Variants in ADARB2 observed in about 807,000 individuals in gnomAD.
ADARB2 encodes the protein adenosine deaminase RNA specific B2 (inactive).
A neutral mutation model predicts 62.2 loss-of-function variants in ADARB2; 25 were observed. The observed-to-expected ratio is 0.40, with a 90% confidence interval of 0.29 to 0.56. The LOEUF (loss-of-function observed/expected upper bound fraction) is 0.56, where lower values mean the gene tolerates loss of function less well. Among genes scored for constraint, ADARB2 ranks in the 20% least tolerant of loss-of-function variants. The pLI is 0.43. For synonymous variants in ADARB2, 572 were observed against 500.8 expected, an observed-to-expected ratio of 1.14 and a Z score of -1.90; for missense variants, 1,071 against 1,077.4, an observed-to-expected ratio of 0.99 and a Z score of 0.08.
intron 2 of ADARB2, among the ~76,000 whole-genome samples, chr10:1,375,216 G>A (rs953010554): frequency 2.0e-5 from 3 of 152,214 alleles, no homozygotes; most frequent in African/African-American, 7.2e-5. Flanking sequence ...GAACTGGGTC[G>A]GATCCCAACC....
In ADARB2 at chr10:1,590,946, C is replaced by T. The variant is rs142399327; in HGVS notation, c.100+146105G>A. Among the ~76,000 whole-genome samples, 690 of 152,330 alleles carry T rather than the reference C, an allele frequency of 4.5e-3. 4 individuals are homozygous for T. The highest frequency in any genetic ancestry group is 0.016 in the African/African-American group (646 of 41,572). ...GGAACTGACCACCTGAGGCCACAGG[C>T]GTGCTACTGAGCACAGATGTGGAAA... is the stretch of plus-strand genomic sequence containing the variant. On this transcript the variant is annotated intron_variant, in intron 1 of 9. Transcript: ENST00000381312.
chr10:1,711,569 G>A (rs1031868664), intron 1 of ADARB2, among the ~76,000 whole-genome samples: 17 of 152,198 alleles, frequency 1.1e-4, no homozygotes, highest in African/African-American at 4.1e-4. Flanking sequence ...GAAAACGTGA[G>A]AATAACAAGA....
At chr10:1,390,606 C>T (rs1177270796) in intron 1 of ADARB2, among the ~76,000 whole-genome samples, 5 of 152,238 alleles carry the variant, frequency 3.3e-5, no homozygotes, top group African/African-American at 1.2e-4. Flanking sequence ...GAAAGCATAT[C>T]TGCTTATGCC....
At chr10:1,438,775 A>C (rs1474352889) in intron 1 of ADARB2, among the ~76,000 whole-genome samples, 39 of 139,720 alleles carry the variant, frequency 2.8e-4, no homozygotes, top group South Asian at 4.8e-4. Flanking sequence ...AGTCTCTCCC[A>C]GGATGGAGGC....
chr10:1,733,118 CCGGATGATTG>C (rs1835254357), intron 1 of ADARB2, among the ~76,000 whole-genome samples: 1 of 152,194 alleles, frequency 6.6e-6, no homozygotes, highest in South Asian at 2.1e-4. Flanking sequence ...CCGACCGGCC[CCGGATGATTG>C]CGGATCCTGC....
chr10:1,216,665 G>T (rs945738230), intron 7 of ADARB2: 1 of 468,590 alleles, frequency 2.1e-6, no homozygotes, highest in Non-Finnish European at 3.8e-6. Context: ...TTTGCCCCAT[G>T]CAGCCACAGC....
rs200672029 is a variant in ADARB2, at chr10:1,498,413, A to T, written c.101-119253T>A. ...AAATAAATAAATAAATAAATAAGTA[A>T]TTTTTTTAAAAACAAAGGAAAAGAA... On this transcript the variant is annotated intron_variant, in intron 1 of 9. Transcript: ENST00000381312. 7.2e-5 allele frequency among the ~76,000 whole-genome samples: 11 copies of T among 151,778 alleles called. No individual in the cohort carries two copies. The East Asian group carries it at 1.5e-3, about 21-fold the overall frequency.
intron 3 of ADARB2, among the ~76,000 whole-genome samples, chr10:1,359,695 C>T (rs1333617456): frequency 6.6e-6 from 1 of 152,174 alleles, no homozygotes; most frequent in Non-Finnish European, 1.5e-5. Flanking sequence ...GCGAGCTGTC[C>T]CGGCAGGACA....
chr10:1,690,716 T>A (rs947117350), intron 1 of ADARB2, among the ~76,000 whole-genome samples: 1 of 152,172 alleles, frequency 6.6e-6, no homozygotes, highest in African/African-American at 2.4e-5. Flanking sequence ...GCCCAAGGCC[T>A]GCTGACTGCA....
intron 1 of ADARB2, among the ~76,000 whole-genome samples, chr10:1,499,318 C>T (rs546095419): frequency 6.6e-6 from 1 of 152,148 alleles, no homozygotes; most frequent in East Asian, 1.9e-4. Context: ...ATCACGCATT[C>T]ATTACTCACT....
intron 3 of ADARB2, among the ~76,000 whole-genome samples, chr10:1,332,867 C>T (rs1218094303): frequency 6.6e-6 from 1 of 152,230 alleles, no homozygotes. Context: ...TCTCTGATTA[C>T]ATTGGAAGCA....
At chr10:1,572,661 G>A (rs1832957409) in intron 1 of ADARB2, among the ~76,000 whole-genome samples, 1 of 152,196 alleles carries the variant, frequency 6.6e-6, no homozygotes, top group Non-Finnish European at 1.5e-5. Context: ...TCAGTAAATA[G>A]TAGATAAAGA....
intron 1 of ADARB2, among the ~76,000 whole-genome samples, chr10:1,508,157 T>G (rs1485552169): frequency 6.6e-6 from 1 of 152,074 alleles, no homozygotes; most frequent in Admixed American, 6.5e-5. Flanking sequence ...TTGACACTGG[T>G]GTTGGCGTTG....
At chr10:1,734,289 C>T (rs1588370759) in intron 1 of ADARB2, among the ~76,000 whole-genome samples, 2 of 130,606 alleles carry the variant, frequency 1.5e-5, no homozygotes, top group East Asian at 2.5e-4. Flanking sequence ...TATTCTGTGA[C>T]GAAGGTGTTT....
intron 3 of ADARB2, among the ~76,000 whole-genome samples, chr10:1,314,082 G>A (rs1219486560): frequency 1.3e-5 from 2 of 152,250 alleles, no homozygotes; most frequent in African/African-American, 4.8e-5. Context: ...CTGAGGCTCG[G>A]AGACATCGGC....
At chr10:1,472,632 A>G (rs1304393067) in intron 1 of ADARB2, among the ~76,000 whole-genome samples, 11 of 152,210 alleles carry the variant, frequency 7.2e-5, no homozygotes, top group Admixed American at 5.9e-4. Context: ...TGGTCTCACA[A>G]TCTAGAAACA....
chr10:1,375,406 GGC>G (rs1184864580), intron 2 of ADARB2, among the ~76,000 whole-genome samples: 1 of 152,166 alleles, frequency 6.6e-6, no homozygotes, highest in Non-Finnish European at 1.5e-5. Context: ...TTCCAGATGC[GGC>G]TCCCAGGCCC....
Position 1,601,482 on chromosome 10 carries a change from A to G in ADARB2, c.100+135569T>C, listed in dbSNP as rs554663381. On this transcript the variant is annotated intron_variant, in intron 1 of 9. Transcript: ENST00000381312. ...CAATTTTCCTGTAACAACATGATTT[A>G]AAGCCTACTTTAAAAAATAAACACC... is the stretch of plus-strand genomic sequence containing the variant. 2.0e-5 allele frequency among the ~76,000 whole-genome samples: 3 copies of G among 152,354 alleles called. No individual in the cohort carries two copies. In the South Asian group the frequency reaches 6.2e-4, roughly 32 times the overall value.
In ADARB2 at chr10:1,343,072, T is replaced by A. The variant is rs147567193; in HGVS notation, c.1077+19956A>T. ...GAAAGAATGGAGCATAAAAGACAGA[T>A]CTAGGGTGAAGAGAAATGAGATCTA... is the stretch of plus-strand genomic sequence containing the variant. On this transcript the variant is annotated intron_variant, in intron 3 of 9. Coordinates refer to ENST00000381312, the MANE Select transcript of ADARB2 (RefSeq NM_018702.4). 1.5e-3 allele frequency among the ~76,000 whole-genome samples: 231 copies of A among 152,114 alleles called. 2 individuals are homozygous for A. The highest frequency in any genetic ancestry group is 5.3e-3 in the African/African-American group (220 of 41,506).
Sources: allele counts gnomAD v4.1 joint callset (sites outside exome capture counted in the v4.1 genomes callset), GRCh38; gene constraint gnomAD v4.1.1; transcripts MANE v1.5; gene names NCBI Gene and HGNC (gene_info 2026-07-23, HGNC 2026-07-21).